The following IQCJ variants were observed in gnomAD, a reference collection of about 807,000 sequenced individuals.
The protein encoded by IQCJ is IQ domain-containing protein J.
Under a neutral mutation model 11.0 loss-of-function variants are expected in IQCJ, and 9 were observed. The ratio of observed to expected loss-of-function variants is 0.82; its 90% CI spans 0.49 to 1.43. The LOEUF is 1.43. Ranked by LOEUF, IQCJ falls within the 40% of genes most tolerant of loss-of-function variation. The pLI, the probability that IQCJ is intolerant of heterozygous loss-of-function variation, is 0.00. For synonymous variants in IQCJ, 55 were observed against 51.3 expected, an observed-to-expected ratio of 1.07 and a Z score of -0.31; for missense variants, 146 against 133.2, an observed-to-expected ratio of 1.10 and a Z score of -0.47.
intron 1 of IQCJ, among the ~76,000 whole-genome samples, chr3:159,244,461 A>G (rs80249233): frequency 0.033 from 5,055 of 152,288 alleles, 261 homozygotes; most frequent in African/African-American, 0.12. Context: ...AGGTGGGCTC[A>G]GGGACTCAGC....
intron 1 of IQCJ, among the ~76,000 whole-genome samples, chr3:159,178,891 C>G (rs1469838152): frequency 1.3e-5 from 2 of 152,048 alleles, no homozygotes; most frequent in Admixed American, 6.5e-5. Flanking sequence ...AGGGCACTTA[C>G]CCCTGCACGA....
intron 1 of IQCJ, among the ~76,000 whole-genome samples, chr3:159,191,808 G>T (rs986937105): frequency 1.3e-5 from 2 of 152,168 alleles, no homozygotes; most frequent in Admixed American, 1.3e-4. Flanking sequence ...CTCTGGCCAA[G>T]GTTAAAAATT....
At chr3:159,261,501 C>G (rs537705835) in intron 3 of IQCJ, among the ~76,000 whole-genome samples, 22 of 152,296 alleles carry the variant, frequency 1.4e-4, no homozygotes, top group African/African-American at 5.3e-4. Context: ...CAATTTCCCC[C>G]ATGCCGTTCT....
intron 1 of IQCJ, among the ~76,000 whole-genome samples, chr3:159,233,474 A>G (rs1416464553): frequency 1.3e-5 from 2 of 152,198 alleles, no homozygotes; most frequent in Non-Finnish European, 2.9e-5. Context: ...CCAGGGGAGG[A>G]TACTTAGGTT....
At chr3:159,239,796 T>A (rs568903942) in intron 1 of IQCJ, among the ~76,000 whole-genome samples, 1 of 152,342 alleles carries the variant, frequency 6.6e-6, no homozygotes, top group South Asian at 2.1e-4. Context: ...TTGGATATGT[T>A]TAGATATACA....
chr3:159,113,674 G>T (rs980330460), intron 1 of IQCJ, among the ~76,000 whole-genome samples: 1 of 152,194 alleles, frequency 6.6e-6, no homozygotes, highest in South Asian at 2.1e-4. Context: ...TACATCATCA[G>T]TACCTGTCAG....
intron 1 of IQCJ, among the ~76,000 whole-genome samples, chr3:159,171,058 A>G (rs141206760): frequency 6.6e-6 from 1 of 152,160 alleles, no homozygotes; most frequent in African/African-American, 2.4e-5. Flanking sequence ...AATTGCATGG[A>G]CTAAAACATC....
intron 1 of IQCJ, chr3:159,069,848 T>A (rs1395602354): frequency 1.5e-5 from 2 of 129,594 alleles, no homozygotes; most frequent in African/African-American, 1.5e-4. Context: ...CTTTCTTGTG[T>A]GTGTGTGTGT....
intron 1 of IQCJ, among the ~76,000 whole-genome samples, chr3:159,177,763 A>C (rs1289490120): frequency 6.6e-6 from 1 of 152,230 alleles, no homozygotes; most frequent in Non-Finnish European, 1.5e-5. Flanking sequence ...TTTTTAAAGA[A>C]GTTTTAAAAA....
intron 1 of IQCJ, among the ~76,000 whole-genome samples, chr3:159,071,662 G>A: frequency 6.6e-6 from 1 of 152,050 alleles, no homozygotes; most frequent in East Asian, 1.9e-4. Flanking sequence ...ATGTAGTACT[G>A]TGTGGTAAAA....
intron 1 of IQCJ, among the ~76,000 whole-genome samples, chr3:159,238,462 C>A (rs1323772203): frequency 6.6e-6 from 1 of 152,170 alleles, no homozygotes; most frequent in Non-Finnish European, 1.5e-5. Flanking sequence ...ACTAAAGTTT[C>A]TTTTCCTCTT....
At chr3:159,162,340 A>G (rs1002909723) in intron 1 of IQCJ, among the ~76,000 whole-genome samples, 16 of 152,182 alleles carry the variant, frequency 1.1e-4, no homozygotes, top group Admixed American at 2.6e-4. Flanking sequence ...TTTGTCTGTT[A>G]TTGGTGTATA....
intron 1 of IQCJ, among the ~76,000 whole-genome samples, chr3:159,234,597 A>T (rs1726465119): frequency 6.6e-6 from 1 of 152,224 alleles, no homozygotes; most frequent in Non-Finnish European, 1.5e-5. Flanking sequence ...TGAGACCAGG[A>T]GATAGAGACC....
At chr3:159,207,445 A>C (rs1326541909) in intron 1 of IQCJ, among the ~76,000 whole-genome samples, 1 of 152,156 alleles carries the variant, frequency 6.6e-6, no homozygotes, top group Non-Finnish European at 1.5e-5. Context: ...CAAAATGAAG[A>C]GCTATGGGGA....
At chr3:159,159,218 T>C (rs1721699333) in intron 1 of IQCJ, among the ~76,000 whole-genome samples, 1 of 152,168 alleles carries the variant, frequency 6.6e-6, no homozygotes, top group African/African-American at 2.4e-5. Context: ...TACCTGGCTA[T>C]GGGGTAATTC....
At chr3:159,239,538 T>A (rs1726786935) in intron 1 of IQCJ, among the ~76,000 whole-genome samples, 1 of 152,192 alleles carries the variant, frequency 6.6e-6, no homozygotes, top group African/African-American at 2.4e-5. Flanking sequence ...GTAGCTCCAT[T>A]TCTTTTCTAA....
At chr3:159,264,243 C>T (rs1411268025), downstream of IQCJ, among the ~76,000 whole-genome samples, 1 of 152,152 alleles carries the variant, frequency 6.6e-6, no homozygotes, top group African/African-American at 2.4e-5. Context: ...GGTGCTTAAC[C>T]TTTCGGTTTT....
intron 1 of IQCJ, among the ~76,000 whole-genome samples, chr3:159,207,513 GA>G (rs571826055): frequency 4.0e-5 from 6 of 148,846 alleles, no homozygotes; most frequent in East Asian, 3.9e-4. Flanking sequence ...ATACTGTTTT[GA>G]AAAAAAAAAT....
At position 159,262,899 on chromosome 3, in the gene IQCJ, G is replaced by C. The variant is rs538463372; in HGVS notation, c.*168G>C. 1.0e-5 allele frequency: 14 copies of C among 1,381,944 alleles called. No individual in the cohort carries two copies. Among genetic ancestry groups the C allele is most frequent in the Non-Finnish European group, 1.1e-5 (12 of 1,066,886 alleles). The allele number at this position is 1,381,944 out of a possible 1,614,324, so 85.6% of individuals were successfully genotyped here. ...CACAAAGTGAACTTTATCAAGTCTG[G>C]AGAAAATAGATTGCATTTATGTGTT... On this transcript the variant is annotated 3_prime_UTR_variant, in exon 4 of 4. Coordinates refer to ENST00000397832, the MANE Select transcript of IQCJ (RefSeq NM_001042706.3).
Sources: gnomAD v4.1 joint callset for allele counts (sites outside exome capture counted in the v4.1 genomes callset) on GRCh38, gnomAD v4.1.1 for gene constraint, MANE v1.5 for transcripts, NCBI Gene and HGNC (gene_info 2026-07-23, HGNC 2026-07-21) for gene names.